Variants in CEP290 observed in about 807,000 individuals in gnomAD.
The protein encoded by CEP290 is centrosomal protein 290, also known as centrosomal protein of 290 kDa.
A neutral mutation model predicts 344.9 loss-of-function variants in CEP290; 317 were observed. The ratio of observed to expected loss-of-function variants is 0.92; its 90% CI spans 0.84 to 1.01. The LOEUF is 1.01. CEP290 is among the 50% of genes least tolerant of loss of function. The probability of loss-of-function intolerance (pLI) is 0.00; values close to 1 mark genes in which losing one functional copy is unlikely to be tolerated. For synonymous variants in CEP290, 932 were observed against 895.8 expected (o/e 1.04, Z -0.72); for missense variants, 2,754 against 2,761.4 (o/e 1.00, Z 0.06).
intron 5 of CEP290, among the ~76,000 whole-genome samples, chr12:88,137,396 A>G (rs1423633793): frequency 6.6e-6 from 1 of 152,218 alleles, no homozygotes; most frequent in East Asian, 1.9e-4. Context: ...CATATTAAAC[A>G]GCTCAGGTTT....
At chr12:88,074,546 A>C (rs1281657842) in intron 41 of CEP290, among the ~76,000 whole-genome samples, 1 of 152,194 alleles carries the variant, frequency 6.6e-6, no homozygotes, top group East Asian at 1.9e-4. Context: ...TTCCTGGCTT[A>C]TAACTCTCAT....
At position 88,049,090 on chromosome 12, in the gene CEP290, G is replaced by A. The variant is rs1267067988; in HGVS notation, c.*94C>T. Reference sequence around the variant, plus strand: ...TATAAAGGTACAAGGTAGTGAGAAGGAAATACTACAGTTCGGAGAACTGCT... The same window carrying A: ...TATAAAGGTACAAGGTAGTGAGAAGAAAATACTACAGTTCGGAGAACTGCT... On this transcript the variant is annotated 3_prime_UTR_variant, in exon 54 of 54. Transcript: ENST00000552810. 5 of 662,700 alleles carry A rather than the reference G, an allele frequency of 7.5e-6. No homozygotes were observed. The highest frequency in any genetic ancestry group is 7.4e-5 in the South Asian group (3 of 40,346). 41.1% of individuals were successfully genotyped at this position (662,700 alleles called of 1,614,324 possible). A position where few individuals can be genotyped will look rare whatever the true frequency, so the allele number is the denominator to read the frequency against.
chr12:88,071,224 T>C (rs1383458870), intron 43 of CEP290, 70 bp downstream of exon 43: 1 of 1,221,006 alleles, frequency 8.2e-7, no homozygotes, highest in African/African-American at 1.5e-5. Flanking sequence ...CACACATTTA[T>C]TATTTCAATT....
intron 17 of CEP290, 23 bp from the exon 18 acceptor site, chr12:88,117,168 AC>A: frequency 8.6e-7 from 1 of 1,167,230 alleles, no homozygotes; most frequent in Non-Finnish European, 1.2e-6. Flanking sequence ...GAATTAACAA[AC>A]TAAAAACATT....
chr12:88,088,956 G>T, intron 31 of CEP290, 76 bp downstream of exon 31: 1 of 1,052,190 alleles, frequency 9.5e-7, no homozygotes, highest in Non-Finnish European at 1.3e-6. Flanking sequence ...AGCTATGTTT[G>T]CACCACTGAA....
intron 6 of CEP290, among the ~76,000 whole-genome samples, chr12:88,135,261 A>G (rs2040292666): frequency 6.6e-6 from 1 of 152,180 alleles, no homozygotes. Context: ...AAAGGAACAC[A>G]GGCCATATAT....
In CEP290 at chr12:88,077,705, C is replaced by A; in HGVS notation, c.5578G>T (p.Gly1860Ter). Residue 1860 changes from glycine to a stop codon, truncating the protein, a stop_gained, in exon 40 of 54, where the codon GGA becomes TGA. Coordinates refer to ENST00000552810, the MANE Select transcript of CEP290 (RefSeq NM_025114.4). LOFTEE classifies it high-confidence loss of function. ...GTTAAATATAAAATTACCTGTAATC[C>A]ACTGGTTAGTCTTTTAATTTGCCTT... ...LKRQIKRLTS[G>*]LQGKPLTDNK... 6.5e-7 allele frequency: 1 copy of A among 1,527,910 alleles called. No homozygotes were observed. Among genetic ancestry groups the A allele is most frequent in the South Asian group, 1.2e-5 (1 of 80,950 alleles). The allele number at this position is 1,527,910 out of a possible 1,614,324, so 94.6% of individuals were successfully genotyped here. A position where few individuals can be genotyped will look rare whatever the true frequency, so the allele number is the denominator to read the frequency against.
intron 27 of CEP290, among the ~76,000 whole-genome samples, chr12:88,096,651 A>AT (rs1232246027): frequency 6.6e-6 from 1 of 152,112 alleles, no homozygotes; most frequent in Non-Finnish European, 1.5e-5. Flanking sequence ...TTAGTCATAA[A>AT]TTTTTAACAT....
rs1327821363 is a variant in CEP290 at position 88,049,327 on chromosome 12, C to T, written c.7297G>A (p.Glu2433Lys). 6.3e-7 allele frequency: 1 copy of T among 1,590,344 alleles called. No individual in the cohort carries two copies. The highest frequency in any genetic ancestry group is 1.3e-5 in the African/African-American group (1 of 74,328). ...EIEDLKYNYK[E>K]EVKKNILLEE... ...AAGAGAATATTCTTCTTCACTTCTT[C>T]CTTGTAATTATACTTAAGATCTTCA... Residue 2433 changes from glutamate to lysine, a missense_variant, in exon 54 of 54, where the codon GAA becomes AAA. Coordinates refer to ENST00000552810, the MANE Select transcript of CEP290 (RefSeq NM_025114.4).
chr12:88,069,446 G>T (rs538155487), intron 43 of CEP290, among the ~76,000 whole-genome samples: 1 of 152,172 alleles, frequency 6.6e-6, no homozygotes, highest in South Asian at 2.1e-4. Context: ...GTTGATCCTT[G>T]TAAAACCTGC....
In CEP290 at chr12:88,083,032, G is replaced by A. The variant is rs1219855028; in HGVS notation, c.5011C>T (p.Gln1671Ter). The change falls in exon 37 of 54, where the codon CAG (glutamine) becomes TAG (stop). Residue 1671 changes from glutamine (Q) to a stop codon, truncating the protein, a stop_gained and splice_region_variant. Transcript: ENST00000552810. LOFTEE classifies it high-confidence loss of function. ...TTACAATACATTTCGAAGACTTACT[G>A]TAATTTGATATTTTCAAATTCTTTT... ...KVKEFENIKL[Q>*]LQENHEDEVK... The A allele has an allele frequency of 6.9e-7, 1 of 1,456,208 alleles. No individual in the cohort carries two copies. The highest frequency in any genetic ancestry group is 9.3e-7 in the Non-Finnish European group (1 of 1,075,578). 90.2% of individuals were successfully genotyped at this position (1,456,208 alleles called of 1,614,324 possible).
chr12:88,125,512 C>A, intron 12 of CEP290, 143 bp from the exon 13 acceptor site: 1 of 348,700 alleles, frequency 2.9e-6, no homozygotes, highest in East Asian at 4.4e-5. Flanking sequence ...CCATTTTGTA[C>A]ACTTCAACTG....
chr12:88,098,566 T>G (rs1044939406), intron 26 of CEP290, among the ~76,000 whole-genome samples: 1 of 151,384 alleles, frequency 6.6e-6, no homozygotes, highest in Non-Finnish European at 1.5e-5. Context: ...GAGCTATGAT[T>G]GTGCAACTGC....
At chr12:88,091,734 C>T (rs965465800) in intron 29 of CEP290, among the ~76,000 whole-genome samples, 1 of 151,952 alleles carries the variant, frequency 6.6e-6, no homozygotes, top group Admixed American at 6.6e-5. Flanking sequence ...CCCAAGAGAA[C>T]TATCAAGGCT....
In CEP290 at chr12:88,141,249, C is replaced by T. The variant is rs2040640720; in HGVS notation, c.59G>A (p.Arg20His). The T allele has an allele frequency of 6.2e-7, 1 of 1,610,364 alleles. No homozygotes were observed. The highest frequency in any genetic ancestry group is 8.5e-7 in the Non-Finnish European group (1 of 1,178,756). Residue 20 changes from arginine to histidine, a missense_variant, in exon 2 of 54, where the codon CGT becomes CAT. Physicochemically the swap from Arg to His is conservative, Grantham distance 29. Coordinates refer to ENST00000552810, the MANE Select transcript of CEP290 (RefSeq NM_025114.4). Reference protein sequence around the residue: ...IMKVDPDDLPRQEELADNLLI... With the variant: ...IMKVDPDDLPHQEELADNLLI... ...TAAATTATCTGCCAGTTCTTCTTGACGGGGCAGGTCATCTGGGTCAACTTT... is the reference window on the plus strand; with the variant it reads ...TAAATTATCTGCCAGTTCTTCTTGATGGGGCAGGTCATCTGGGTCAACTTT...
intron 25 of CEP290, chr12:88,103,241 T>A: frequency 3.8e-6 from 1 of 266,004 alleles, no homozygotes; most frequent in Non-Finnish European, 6.9e-6. Context: ...TAATAACTCC[T>A]GTCATTGTAA....
chr12:88,110,435 G>A (rs2038602143), intron 22 of CEP290, among the ~76,000 whole-genome samples: 1 of 152,128 alleles, frequency 6.6e-6, no homozygotes, highest in African/African-American at 2.4e-5. Flanking sequence ...TTATGGCTGT[G>A]TGCAGTGGCT....
At position 88,114,572 on chromosome 12, in the gene CEP290, C is replaced by G; in HGVS notation, c.1910-10G>C. The G allele has an allele frequency of 6.5e-7, 1 of 1,528,902 alleles. No homozygotes were observed. Among genetic ancestry groups the G allele is most frequent in the Non-Finnish European group, 8.8e-7 (1 of 1,136,996 alleles). The allele number at this position is 1,528,902 out of a possible 1,614,324, so 94.7% of individuals were successfully genotyped here. A position where few individuals can be genotyped will look rare whatever the true frequency, so the allele number is the denominator to read the frequency against. On this transcript the variant is annotated splice_polypyrimidine_tract_variant and intron_variant, in intron 19 of 53. Coordinates refer to ENST00000552810, the MANE Select transcript of CEP290 (RefSeq NM_025114.4). ...TCAACTAATTCTTTTACTGTAATTA[C>G]ACAGTTTTCTCATTGGATGATCAGA...
At position 88,086,170 on chromosome 12, in the gene CEP290, C is replaced by G. The variant is rs2036558570; in HGVS notation, c.4306G>C (p.Glu1436Gln). The G allele has an allele frequency of 2.5e-6, 4 of 1,608,564 alleles. No homozygotes were observed. The East Asian group carries it at 8.9e-5, about 36-fold the overall frequency. The change falls in exon 34 of 54, where the codon GAA becomes CAA. Residue 1436 changes from glutamate to glutamine, a missense_variant. Glu to Gln is a conservative substitution (Grantham distance 29). Coordinates refer to ENST00000552810, the MANE Select transcript of CEP290 (RefSeq NM_025114.4). Reference protein sequence around the residue: ...NEILNAAQKFEEATGSIPDPS... With the variant: ...NEILNAAQKFQEATGSIPDPS... ...TCAGGGATTGATCCTGTAGCTTCTT[C>G]AAACTATTAAGAAATAGTATGTTTT...
Sources: allele counts gnomAD v4.1 joint callset (sites outside exome capture counted in the v4.1 genomes callset), GRCh38; gene constraint gnomAD v4.1.1; transcripts MANE v1.5; gene names NCBI Gene and HGNC (gene_info 2026-07-23, HGNC 2026-07-21).